Variants in FHIT observed in about 807,000 individuals in gnomAD.
The protein encoded by FHIT is fragile histidine triad diadenosine triphosphatase, also known as bis(5'-adenosyl)-triphosphatase.
In FHIT, 19 loss-of-function variants were observed where a neutral mutation model predicts 17.9. The observed-to-expected ratio is 1.06, with a 90% CI of 0.74 to 1.56. FHIT has a LOEUF of 1.56. FHIT is among the 40% of genes most tolerant of loss of function. The pLI is 0.00. For missense variants in FHIT, 248 were observed against 189.2 expected (o/e 1.31, Z -1.82); for synonymous variants, 81 against 69.7 (o/e 1.16, Z -0.81).
chr3:60,621,654 T>C (rs555004889), intron 4 of FHIT, among the ~76,000 whole-genome samples: 88 of 152,258 alleles, frequency 5.8e-4, no homozygotes, highest in Admixed American at 1.2e-3. Flanking sequence ...CTTTTGGCTT[T>C]CCAGAGCATT....
At chr3:60,516,693 G>C (rs1170611364) in intron 5 of FHIT, among the ~76,000 whole-genome samples, 1 of 152,168 alleles carries the variant, frequency 6.6e-6, no homozygotes, top group East Asian at 1.9e-4. Flanking sequence ...CAAATGCCTA[G>C]AACAATCTCA....
chr3:59,759,089 T>C (rs1211938868), intron 8 of FHIT, among the ~76,000 whole-genome samples: 1 of 151,778 alleles, frequency 6.6e-6, no homozygotes, highest in African/African-American at 2.4e-5. Context: ...GTGTGAATAA[T>C]GAGTATTTAA....
chr3:61,218,394 G>A (rs529089159), intron 1 of FHIT, among the ~76,000 whole-genome samples: 2 of 152,276 alleles, frequency 1.3e-5, no homozygotes, highest in East Asian at 3.9e-4. Context: ...GTGGACTGAT[G>A]GAGGCAGAAT....
intron 4 of FHIT, among the ~76,000 whole-genome samples, chr3:60,572,022 C>G (rs1025679443): frequency 2.0e-5 from 3 of 151,920 alleles, no homozygotes; most frequent in Admixed American, 6.6e-5. Context: ...GGTTTTCTTT[C>G]TTTCTTTTTT....
intron 5 of FHIT, among the ~76,000 whole-genome samples, chr3:60,156,432 G>A (rs1035215868): frequency 3.3e-5 from 5 of 151,840 alleles, no homozygotes; most frequent in South Asian, 2.1e-4. Context: ...TTGCATCGGA[G>A]ATACAATCCT....
intron 7 of FHIT, among the ~76,000 whole-genome samples, chr3:60,007,082 C>A (rs1431298900): frequency 1.3e-5 from 2 of 152,048 alleles, no homozygotes; most frequent in Non-Finnish European, 2.9e-5. Flanking sequence ...AGAGTGTAAG[C>A]AAGCATAATC....
chr3:61,230,111 A>C (rs1173718106), intron 1 of FHIT, among the ~76,000 whole-genome samples: 1 of 152,174 alleles, frequency 6.6e-6, no homozygotes, highest in Non-Finnish European at 1.5e-5. Flanking sequence ...TAGTATTTCC[A>C]ACTTGAAAAT....
chr3:60,611,530 A>G (rs1010954363), intron 4 of FHIT, among the ~76,000 whole-genome samples: 2 of 152,220 alleles, frequency 1.3e-5, no homozygotes, highest in Non-Finnish European at 2.9e-5. Context: ...CCCTTAGTCC[A>G]AGCCTTTCCT....
chr3:60,561,856 T>G (rs949258546), intron 4 of FHIT, among the ~76,000 whole-genome samples: 3 of 151,602 alleles, frequency 2.0e-5, no homozygotes. Flanking sequence ...CTCTCTTTTT[T>G]ATTGCCCAGA....
intron 8 of FHIT, among the ~76,000 whole-genome samples, chr3:59,892,525 T>G (rs1703899061): frequency 6.6e-6 from 1 of 152,204 alleles, no homozygotes; most frequent in Non-Finnish European, 1.5e-5. Context: ...AGGCTTAGTG[T>G]TATAGAGGTT....
At chr3:61,090,670 A>G (rs1212733939) in intron 2 of FHIT, among the ~76,000 whole-genome samples, 2 of 152,180 alleles carry the variant, frequency 1.3e-5, no homozygotes, top group African/African-American at 4.8e-5. Flanking sequence ...GTAGAGATAA[A>G]GAGAGAAGGA....
chr3:60,417,394 A>G (rs563193803), intron 5 of FHIT, among the ~76,000 whole-genome samples: 26 of 152,162 alleles, frequency 1.7e-4, no homozygotes, highest in Non-Finnish European at 3.1e-4. Flanking sequence ...CTTTTGGTTC[A>G]TCATTCTGTG....
intron 4 of FHIT, among the ~76,000 whole-genome samples, chr3:60,698,387 T>C (rs1382808275): frequency 3.3e-5 from 5 of 152,190 alleles, no homozygotes; most frequent in African/African-American, 9.6e-5. Flanking sequence ...TCATGACATT[T>C]GGCTTCTATC....
At chr3:60,272,048 G>T (rs1305554897) in intron 5 of FHIT, among the ~76,000 whole-genome samples, 1 of 151,990 alleles carries the variant, frequency 6.6e-6, no homozygotes, top group Non-Finnish European at 1.5e-5. Context: ...GACAGAGGCA[G>T]CCTGGTTCCA....
intron 3 of FHIT, among the ~76,000 whole-genome samples, chr3:60,827,152 G>A (rs1702154499): frequency 1.3e-5 from 2 of 152,204 alleles, no homozygotes; most frequent in South Asian, 2.1e-4. Flanking sequence ...CCTGGAGAGA[G>A]AGTCTGTGAA....
At chr3:60,256,312 A>T (rs1265085139) in intron 5 of FHIT, among the ~76,000 whole-genome samples, 1 of 152,180 alleles carries the variant, frequency 6.6e-6, no homozygotes, top group Non-Finnish European at 1.5e-5. Flanking sequence ...GTCTCTTATC[A>T]TCAACCTCAA....
At chr3:61,039,354 A>G (rs1037966357) in intron 3 of FHIT, among the ~76,000 whole-genome samples, 1 of 152,220 alleles carries the variant, frequency 6.6e-6, no homozygotes, top group Non-Finnish European at 1.5e-5. Flanking sequence ...TGAAATCCTT[A>G]CTGGGAGATC....
intron 5 of FHIT, among the ~76,000 whole-genome samples, chr3:60,346,211 G>C (rs1050247918): frequency 2.3e-4 from 35 of 152,296 alleles, no homozygotes; most frequent in African/African-American, 7.9e-4. Flanking sequence ...AGAGAGGCTA[G>C]TGCTCTTTAC....
At chr3:59,919,543 C>A (rs1705302651) in intron 8 of FHIT, among the ~76,000 whole-genome samples, 1 of 152,084 alleles carries the variant, frequency 6.6e-6, no homozygotes, top group African/African-American at 2.4e-5. Context: ...GTTTTCAGAC[C>A]CAACCACCTT....
Sources: allele counts gnomAD v4.1 joint callset (sites outside exome capture counted in the v4.1 genomes callset), GRCh38; gene constraint gnomAD v4.1.1; transcripts MANE v1.5; gene names NCBI Gene and HGNC (gene_info 2026-07-23, HGNC 2026-07-21).